Variants in SAMD5 observed in about 807,000 individuals in gnomAD.
SAMD5 encodes the protein sterile alpha motif domain-containing protein 5.
In SAMD5, 13 loss-of-function variants were observed where a neutral mutation model predicts 11.3. The observed-to-expected ratio is 1.15, with a 90% CI of 0.75 to 1.83. The LOEUF (loss-of-function observed/expected upper bound fraction) is 1.83, where lower values mean the gene tolerates loss of function less well. Ranked by LOEUF, SAMD5 falls within the 40% of genes most tolerant of loss-of-function variation. The probability of loss-of-function intolerance (pLI) is 0.00; values close to 1 mark genes in which losing one functional copy is unlikely to be tolerated. For missense variants in SAMD5, 255 were observed against 239.1 expected (o/e 1.07, Z -0.44); for synonymous variants, 129 against 111.3 (o/e 1.16, Z -1.00).
At chr6:147,915,315 CAGAG>C in the SAMD5 span, among the ~76,000 whole-genome samples, 1 of 152,134 alleles carries the variant, frequency 6.6e-6, no homozygotes, top group Non-Finnish European at 1.5e-5. Context: ...TATAGAAAAA[CAGAG>C]AGTCTGCAAT....
At chr6:147,889,727 A>G in the SAMD5 span, among the ~76,000 whole-genome samples, 1 of 152,206 alleles carries the variant, frequency 6.6e-6, no homozygotes, top group East Asian at 1.9e-4. Context: ...TGTTGAGAAC[A>G]CACACTACTC....
chr6:147,695,298 A>T (rs1791159587), intron 1 of SAMD5, among the ~76,000 whole-genome samples: 1 of 151,946 alleles, frequency 6.6e-6, no homozygotes, highest in South Asian at 2.1e-4. Context: ...AATTAATGAG[A>T]TCTGCTTTGA....
chr6:147,889,952 ACT>A, the SAMD5 span, among the ~76,000 whole-genome samples: 2 of 152,092 alleles, frequency 1.3e-5, no homozygotes, highest in Non-Finnish European at 1.5e-5. Flanking sequence ...TAAACTCCAA[ACT>A]CTGTCATCCT....
intron 1 of SAMD5, among the ~76,000 whole-genome samples, chr6:147,556,259 A>G (rs1788854295): frequency 6.6e-6 from 1 of 151,176 alleles, no homozygotes; most frequent in African/African-American, 2.4e-5. Context: ...CGCCCGGCTA[A>G]TTTTTTGTAT....
the SAMD5 span, among the ~76,000 whole-genome samples, chr6:147,884,883 A>G: frequency 6.6e-6 from 1 of 152,186 alleles, no homozygotes. Flanking sequence ...GGGAGTTGTC[A>G]TCTTGTAAAG....
At chr6:147,676,138 G>A (rs1028620564) in intron 1 of SAMD5, 1 of 152,060 alleles carries the variant, frequency 6.6e-6, no homozygotes, top group East Asian at 1.9e-4. Context: ...ACCTGGACAG[G>A]AATAAGCAGA....
chr6:147,776,125 G>A, the SAMD5 span, among the ~76,000 whole-genome samples: 1 of 152,120 alleles, frequency 6.6e-6, no homozygotes, highest in East Asian at 1.9e-4. Flanking sequence ...TCCTAACCTT[G>A]GGGACCACAG....
chr6:147,563,610 A>G (rs1788989705), intron 1 of SAMD5, among the ~76,000 whole-genome samples: 1 of 152,200 alleles, frequency 6.6e-6, no homozygotes, highest in African/African-American at 2.4e-5. Context: ...ACAGATGGGC[A>G]GTGCACTGTA....
chr6:147,850,501 A>G, the SAMD5 span, among the ~76,000 whole-genome samples: 6 of 152,320 alleles, frequency 3.9e-5, no homozygotes, highest in Admixed American at 3.9e-4. Context: ...CAGCAGTAAT[A>G]CATTTTCAGC....
intron 1 of SAMD5, among the ~76,000 whole-genome samples, chr6:147,646,906 G>T (rs1044216272): frequency 6.6e-5 from 10 of 151,266 alleles, no homozygotes; most frequent in Non-Finnish European, 1.5e-4. Flanking sequence ...GGGAGGCCAA[G>T]GTGGGTGTAT....
chr6:147,751,947 T>C, the SAMD5 span, among the ~76,000 whole-genome samples: 1 of 152,150 alleles, frequency 6.6e-6, no homozygotes, highest in African/African-American at 2.4e-5. Context: ...TAACTAGTAA[T>C]AGAAACTCTC....
At chr6:147,909,560 T>TTTCTTTCTTTC in the SAMD5 span, among the ~76,000 whole-genome samples, 4 of 78,878 alleles carry the variant, frequency 5.1e-5, 2 homozygotes, top group African/African-American at 2.5e-4. Context: ...CATCCATCTT[T>TTTCTTTCTTTC]TTTCTTTCTT....
chr6:147,941,017 C>G, the SAMD5 span, among the ~76,000 whole-genome samples: 15 of 151,968 alleles, frequency 9.9e-5, no homozygotes, highest in Non-Finnish European at 1.6e-4. Context: ...TTTCAGGGTT[C>G]CTGAAAACAG....
intron 1 of SAMD5, among the ~76,000 whole-genome samples, chr6:147,549,859 CTACT>C (rs1384866152): frequency 6.6e-6 from 1 of 151,736 alleles, no homozygotes; most frequent in Non-Finnish European, 1.5e-5. Context: ...AAACAGTTTG[CTACT>C]TAGACTGGAA....
chr6:147,680,867 C>T (rs991635439), intron 1 of SAMD5, among the ~76,000 whole-genome samples: 3 of 152,112 alleles, frequency 2.0e-5, no homozygotes, highest in African/African-American at 7.2e-5. Flanking sequence ...GCTGTATTTT[C>T]ATTTTTATGT....
At chr6:147,550,976 A>C (rs1173819928) in intron 1 of SAMD5, among the ~76,000 whole-genome samples, 1 of 152,144 alleles carries the variant, frequency 6.6e-6, no homozygotes, top group East Asian at 1.9e-4. Flanking sequence ...TTTCGTTGTG[A>C]GGCATCCATG....
chr6:147,644,436 T>C (rs926013971), intron 1 of SAMD5, among the ~76,000 whole-genome samples: 9 of 152,224 alleles, frequency 5.9e-5, no homozygotes. Context: ...ATTATTCTTA[T>C]ACTGTTTTGT....
chr6:147,914,326 A>G, the SAMD5 span, among the ~76,000 whole-genome samples: 1 of 152,134 alleles, frequency 6.6e-6, no homozygotes, highest in Non-Finnish European at 1.5e-5. Context: ...TGCTAAAAGA[A>G]AACAGACAAC....
the SAMD5 span, among the ~76,000 whole-genome samples, chr6:147,824,316 C>T: frequency 6.6e-6 from 1 of 152,126 alleles, no homozygotes; most frequent in South Asian, 2.1e-4. Context: ...TTTTTAGCAT[C>T]TTCGGGGAAC....
Sources: gnomAD v4.1 joint callset for allele counts (sites outside exome capture counted in the v4.1 genomes callset) on GRCh38, gnomAD v4.1.1 for gene constraint, MANE v1.5 for transcripts, NCBI Gene and HGNC (gene_info 2026-07-23, HGNC 2026-07-21) for gene names.